Variants in TLR2 observed in about 807,000 individuals in gnomAD.
The protein encoded by TLR2 is toll like receptor 2, also known as toll-like receptor 2.
In TLR2, 7 loss-of-function variants were observed where a neutral mutation model predicts 9.1. The ratio of observed to expected loss-of-function variants is 0.77; its 90% confidence interval spans 0.44 to 1.44. The LOEUF (loss-of-function observed/expected upper bound fraction) is 1.44, where lower values mean the gene tolerates loss of function less well. Among genes scored for constraint, TLR2 ranks in the 40% most tolerant of loss-of-function variants. The probability of loss-of-function intolerance (pLI) is 0.01; values close to 1 mark genes in which losing one functional copy is unlikely to be tolerated. For missense variants in TLR2, 812 were observed against 904.6 expected, an observed-to-expected ratio of 0.90 and a Z score of 1.31; for synonymous variants, 317 against 344.6, an observed-to-expected ratio of 0.92 and a Z score of 0.89.
chr4:153,686,655 T>A (rs1295545244), intron 1 of TLR2, among the ~76,000 whole-genome samples: 1 of 152,134 alleles, frequency 6.6e-6, no homozygotes, highest in African/African-American at 2.4e-5. Flanking sequence ...GAAATAAAAA[T>A]TTTGAATTTA....
At chr4:153,710,337 C>A, downstream of TLR2, 2 of 1,506,240 alleles carry the variant, frequency 1.3e-6, no homozygotes, top group Non-Finnish European at 1.8e-6. Context: ...GGATTTCAAC[C>A]ATGCAGTATG....
intron 1 of TLR2, among the ~76,000 whole-genome samples, chr4:153,686,595 AATC>A (rs1164497842): frequency 1.3e-5 from 2 of 152,216 alleles, no homozygotes; most frequent in Admixed American, 6.5e-5. Flanking sequence ...TTAGGAAAAA[AATC>A]ATAACTGTAG....
chr4:153,710,580 G>A, downstream of TLR2: 3 of 1,211,292 alleles, frequency 2.5e-6, no homozygotes, highest in Non-Finnish European at 3.5e-6. Flanking sequence ...ACAATGTAAT[G>A]AATGGGTATT....
chr4:153,710,481 C>A (rs866963367), downstream of TLR2: 3 of 1,608,440 alleles, frequency 1.9e-6, no homozygotes. Flanking sequence ...AAAATGTGTG[C>A]GCTCCCAGCT....
intron 2 of TLR2, among the ~76,000 whole-genome samples, chr4:153,692,490 G>C (rs898234817): frequency 6.6e-6 from 1 of 152,144 alleles, no homozygotes; most frequent in Non-Finnish European, 1.5e-5. Flanking sequence ...CCATTTTAAA[G>C]GTATATAGGT....
Position 153,697,192 on chromosome 4 carries a change from A to T in TLR2, c.-16-5700A>T, listed in dbSNP as rs184884576. Among the ~76,000 whole-genome samples the T allele has an allele frequency of 4.4e-3, 667 of 151,526 alleles. 4 individuals carry two copies. Among genetic ancestry groups the T allele is most frequent in the East Asian group, 0.031 (162 of 5,178 alleles). ...TGAAGAAAATTCTAAGTTTTTTTTT[A>T]AAAAAATTGAGCATGAATATCAAAA... On this transcript the variant is annotated intron_variant, in intron 2 of 2. Transcript: ENST00000642700.
chr4:153,710,108 T>A, downstream of TLR2: 1 of 278,482 alleles, frequency 3.6e-6, no homozygotes, highest in Admixed American at 5.0e-5. Context: ...AAGTAGAATG[T>A]CCACAGTGCA....
intron 2 of TLR2, among the ~76,000 whole-genome samples, chr4:153,695,172 A>G (rs1198775922): frequency 1.3e-5 from 2 of 152,070 alleles, no homozygotes; most frequent in Non-Finnish European, 2.9e-5. Flanking sequence ...GATTTCCTTT[A>G]TTTTGGGTAT....
Position 153,705,028 on chromosome 4 carries a change from T to G in TLR2, c.2121T>G (p.Phe707Leu). The change falls in exon 3 of 3, where the codon TTT becomes TTG. Residue 707 changes from phenylalanine (F) to leucine (L), a missense_variant. Coordinates refer to ENST00000642700, the MANE Select transcript of TLR2 (RefSeq NM_001318789.2). ...CTGTCTTTGTGCTTTCTGAAAACTT[T>G]GTGAAGAGTGAGTGGTGCAAGTATG... is the stretch of plus-strand genomic sequence containing the variant. ...HKTVFVLSEN[F>L]VKSEWCKYEL... 1 of 1,614,082 alleles carries G rather than the reference T, an allele frequency of 6.2e-7. No individual in the cohort carries two copies. The highest frequency in any genetic ancestry group is 2.2e-5 in the East Asian group (1 of 44,882).
chr4:153,695,893 G>C (rs1010014555), intron 2 of TLR2, among the ~76,000 whole-genome samples: 5 of 152,048 alleles, frequency 3.3e-5, no homozygotes, highest in Non-Finnish European at 7.4e-5. Context: ...TCCGCATATG[G>C]ATATCTACTT....
At chr4:153,709,071 A>G (rs1331710306), downstream of TLR2, among the ~76,000 whole-genome samples, 1 of 152,154 alleles carries the variant, frequency 6.6e-6, no homozygotes, top group Non-Finnish European at 1.5e-5. Context: ...CACCCTTTGC[A>G]TTCATGCTCC....
Position 153,691,789 on chromosome 4 carries a change from C to T in TLR2, c.-17+3742C>T, listed in dbSNP as rs145667347. ...ATTTAATGTTTTCAATTGATCCCTA[C>T]GTATAGTTACTTTCTGTGGCACAAT... On this transcript the variant is annotated intron_variant, in intron 2 of 2. Transcript: ENST00000642700. 1.4e-4 allele frequency among the ~76,000 whole-genome samples: 22 copies of T among 152,240 alleles called. No homozygotes were observed. The East Asian group carries it at 2.5e-3, about 17-fold the overall frequency.
intron 2 of TLR2, chr4:153,688,736 C>CAA (rs1735892252): frequency 6.1e-6 from 1 of 164,946 alleles, no homozygotes; most frequent in Non-Finnish European, 1.3e-5. Context: ...CCAGGTGTTC[C>CAA]TTGCCCTCAT....
At position 153,703,961 on chromosome 4, in the gene TLR2, C is replaced by T; in HGVS notation, c.1054C>T (p.Pro352Ser). Reference sequence around the variant, plus strand: ...AGAAAACAGTAAAGTTTTTCTGGTTCCTTGTTTACTTTCACAACATTTAAA... The same window carrying T: ...AGAAAACAGTAAAGTTTTTCTGGTTTCTTGTTTACTTTCACAACATTTAAA... ...TVENSKVFLV[P>S]CLLSQHLKSL... The change falls in exon 3 of 3, where the codon CCT becomes TCT. Residue 352 changes from proline to serine, a missense_variant. Transcript: ENST00000642700. The T allele has an allele frequency of 8.7e-6, 14 of 1,611,572 alleles. No homozygotes were observed. The highest frequency in any genetic ancestry group is 1.2e-5 in the Non-Finnish European group (14 of 1,179,390).
In TLR2 at chr4:153,703,353, C is replaced by T. The variant is rs780944319; in HGVS notation, c.446C>T (p.Thr149Ile). The T allele has an allele frequency of 1.9e-5, 30 of 1,613,798 alleles. No individual in the cohort carries two copies. Among genetic ancestry groups the T allele is most frequent in the Non-Finnish European group, 2.4e-5 (28 of 1,179,982 alleles). Residue 149 changes from threonine to isoleucine, a missense_variant, in exon 3 of 3, where the codon ACA becomes ATA. By Grantham distance (89) the Thr-to-Ile change is moderately conservative. Transcript: ENST00000642700. ...LGETSLFSHL[T>I]KLQILRVGNM... ...GAAACATCTCTTTTTTCTCATCTCACAAAATTGCAAATCCTGAGAGTGGGA... is the reference window on the plus strand; with the variant it reads ...GAAACATCTCTTTTTTCTCATCTCATAAAATTGCAAATCCTGAGAGTGGGA...
Position 153,703,243 on chromosome 4 carries a change from A to T in TLR2, c.336A>T (p.Leu112Phe), listed in dbSNP as rs746673189. ...ATTTAGACTTATCCTATAATTACTT[A>T]TCTAATTTATCGTCTTCCTGGTTCA... ...LEHLDLSYNY[L>F]SNLSSSWFKP... Residue 112 changes from leucine (L) to phenylalanine (F), a missense_variant, in exon 3 of 3, where the codon TTA becomes TTT. Transcript: ENST00000642700. 1 of 1,613,904 alleles carries T rather than the reference A, an allele frequency of 6.2e-7. No homozygotes were observed. Among genetic ancestry groups the T allele is most frequent in the Non-Finnish European group, 8.5e-7 (1 of 1,179,960 alleles).
At chr4:153,684,646 G>A (rs1735550959) in intron 1 of TLR2, among the ~76,000 whole-genome samples, 1 of 152,214 alleles carries the variant, frequency 6.6e-6, no homozygotes, top group African/African-American at 2.4e-5. Flanking sequence ...CGGAAAGGGA[G>A]CCCGAGGGTC....
At chr4:153,687,290 C>T (rs1272771167) in intron 1 of TLR2, among the ~76,000 whole-genome samples, 2 of 151,884 alleles carry the variant, frequency 1.3e-5, no homozygotes, top group Non-Finnish European at 2.9e-5. Context: ...TAAAATAAAT[C>T]CAGAGAAATC....
At chr4:153,686,949 T>C (rs1318563131) in intron 1 of TLR2, among the ~76,000 whole-genome samples, 4 of 152,104 alleles carry the variant, frequency 2.6e-5, no homozygotes, top group Non-Finnish European at 5.9e-5. Flanking sequence ...TAGAGTAAAT[T>C]GCAATACATT....
Sources: gnomAD v4.1 joint callset for allele counts (sites outside exome capture counted in the v4.1 genomes callset) on GRCh38, gnomAD v4.1.1 for gene constraint, MANE v1.5 for transcripts, NCBI Gene and HGNC (gene_info 2026-07-23, HGNC 2026-07-21) for gene names.